The following FBN2 variants were observed in gnomAD, a reference collection of about 807,000 sequenced individuals.
The protein encoded by FBN2 is fibrillin 2, also known as fibrillin-2.
FBN2 carries 105 observed loss-of-function variants against 355.6 expected under a neutral mutation model. The observed-to-expected ratio is 0.30, with a 90% CI of 0.25 to 0.35. The LOEUF (loss-of-function observed/expected upper bound fraction) is 0.35. Ranked by LOEUF, FBN2 falls within the 10% of genes least tolerant of loss-of-function variation. FBN2 has a pLI of 1.00. For missense variants in FBN2, 3,280 were observed against 3,758.7 expected (o/e 0.87, Z 3.33); for synonymous variants, 1,350 against 1,301.2 (o/e 1.04, Z -0.81).
intron 3 of FBN2, among the ~76,000 whole-genome samples, chr5:128,529,417 A>T (rs138361726): frequency 8.9e-4 from 136 of 152,326 alleles, no homozygotes; most frequent in African/African-American, 3.1e-3. Context: ...CAAGAAGATA[A>T]TGATTAATAG....
intron 7 of FBN2, among the ~76,000 whole-genome samples, chr5:128,428,253 C>A (rs1753532152): frequency 6.6e-6 from 1 of 152,112 alleles, no homozygotes; most frequent in Non-Finnish European, 1.5e-5. Flanking sequence ...AGTAAACCTT[C>A]CAAAATGAAG....
At chr5:128,484,150 C>T (rs531445613) in intron 5 of FBN2, among the ~76,000 whole-genome samples, 1 of 152,202 alleles carries the variant, frequency 6.6e-6, no homozygotes, top group African/African-American at 2.4e-5. Flanking sequence ...TACTTGAGTA[C>T]ATTTATTCTC....
chr5:128,335,371 G>A, intron 29 of FBN2, 76 bp from the exon 30 acceptor site: 2 of 1,611,184 alleles, frequency 1.2e-6, no homozygotes, highest in Non-Finnish European at 1.7e-6. Flanking sequence ...TTTTCTATCT[G>A]GTTCCACTTG....
intron 7 of FBN2, among the ~76,000 whole-genome samples, chr5:128,429,973 G>A (rs951913498): frequency 3.3e-5 from 5 of 152,104 alleles, no homozygotes; most frequent in Admixed American, 6.5e-5. Flanking sequence ...GTTGTACTTA[G>A]AATTCAACAA....
intron 11 of FBN2, among the ~76,000 whole-genome samples, chr5:128,385,975 G>C (rs1036637879): frequency 1.1e-4 from 16 of 151,864 alleles, no homozygotes; most frequent in African/African-American, 1.5e-4. Context: ...CTACTCTGTA[G>C]GTTGTTTACT....
intron 5 of FBN2, among the ~76,000 whole-genome samples, chr5:128,492,436 A>G (rs981246994): frequency 6.6e-6 from 1 of 152,208 alleles, no homozygotes; most frequent in Non-Finnish European, 1.5e-5. Flanking sequence ...CTACATAACT[A>G]TCATGGAACT....
intron 5 of FBN2, among the ~76,000 whole-genome samples, chr5:128,502,117 C>A (rs1007972919): frequency 1.4e-4 from 21 of 151,880 alleles, no homozygotes; most frequent in Admixed American, 2.0e-4. Flanking sequence ...AGTCAGACTT[C>A]TTCATAGCAC....
At chr5:128,298,159 T>C (rs1281052102) in intron 48 of FBN2, among the ~76,000 whole-genome samples, 3 of 152,010 alleles carry the variant, frequency 2.0e-5, no homozygotes, top group East Asian at 3.9e-4. Context: ...ATGTTGAATA[T>C]TGGCCGCCAC....
At chr5:128,262,078 G>C (rs1016878824) in intron 63 of FBN2, among the ~76,000 whole-genome samples, 171 bp from the exon 64 acceptor site, 2 of 152,118 alleles carry the variant, frequency 1.3e-5, no homozygotes, top group East Asian at 3.8e-4. Flanking sequence ...TAGAGACAGG[G>C]TCTTGCTCTG....
Position 128,304,939 on chromosome 5 carries a change from G to C in FBN2, c.5800+18C>G, listed in dbSNP as rs1749825696. ...CCCCAGCCCCACTTCACTCCCTGGAGCCACATGCCCTTCTTACCCATGCAC... is the reference window on the plus strand; with the variant it reads ...CCCCAGCCCCACTTCACTCCCTGGACCCACATGCCCTTCTTACCCATGCAC... On this transcript the variant is annotated intron_variant, in intron 45 of 64. Transcript: ENST00000262464. The C allele has an allele frequency of 6.2e-7, 1 of 1,613,862 alleles. No individual in the cohort carries two copies. Among genetic ancestry groups the C allele is most frequent in the African/African-American group, 1.3e-5 (1 of 74,996 alleles).
At position 128,361,832 on chromosome 5, in the gene FBN2, T is replaced by A; in HGVS notation, c.2445A>T (p.Leu815Phe). The change falls in exon 19 of 65, where the codon TTA (leucine) becomes TTT (phenylalanine). Residue 815 changes from leucine (L) to phenylalanine (F), a missense_variant. By Grantham distance (22) the Leu-to-Phe change is conservative. Around this residue, in one of 6 missense-constraint regions of FBN2, gnomAD observed 2,284 missense variants for 2,749.5 expected, o/e 0.83. Transcript: ENST00000262464. The part of the protein sequence containing the change: ...GRNCIDIDEC[L>F]VNRLLCDNGL... ...CGTTATCACAAAGCAGTCTGTTTAC[T>A]AAACATTCATCAATGTCTGAAAGCA... The A allele has an allele frequency of 1.2e-6, 2 of 1,614,116 alleles. No individual in the cohort carries two copies. The highest frequency in any genetic ancestry group is 2.2e-5 in the South Asian group (2 of 91,078).
intron 5 of FBN2, among the ~76,000 whole-genome samples, chr5:128,486,267 G>A (rs1755335499): frequency 6.6e-6 from 1 of 151,998 alleles, no homozygotes; most frequent in Admixed American, 6.6e-5. Flanking sequence ...GCCCTTTAAA[G>A]AATAAGTATA....
At chr5:128,487,427 G>T (rs988408260) in intron 5 of FBN2, among the ~76,000 whole-genome samples, 6 of 152,116 alleles carry the variant, frequency 3.9e-5, no homozygotes, top group Non-Finnish European at 7.4e-5. Flanking sequence ...AGATTAAAGG[G>T]TCTCTCTTTA....
At chr5:128,514,498 T>C (rs919237706) in intron 5 of FBN2, among the ~76,000 whole-genome samples, 7 of 152,184 alleles carry the variant, frequency 4.6e-5, no homozygotes, top group Admixed American at 3.3e-4. Flanking sequence ...TATATTGGTT[T>C]TTCTTATAAC....
chr5:128,408,648 T>C (rs1295649354), intron 8 of FBN2, 26 bp downstream of exon 8: 5 of 1,613,704 alleles, frequency 3.1e-6, no homozygotes, highest in Admixed American at 1.7e-5. Context: ...ACCCAGTGTA[T>C]TGAGCCTTCA....
intron 51 of FBN2, 127 bp from the exon 52 acceptor site, chr5:128,289,379 C>G: frequency 1.1e-6 from 1 of 901,376 alleles, no homozygotes; most frequent in Non-Finnish European, 1.8e-6. Flanking sequence ...AGGTCAGGAG[C>G]TTGAGACCAG....
intron 34 of FBN2, among the ~76,000 whole-genome samples, chr5:128,323,729 C>T (rs539423051): frequency 5.3e-5 from 8 of 152,272 alleles, no homozygotes; most frequent in Middle Eastern, 3.4e-3. Flanking sequence ...CAATGTTCAT[C>T]GGGGATATTG....
intron 7 of FBN2, among the ~76,000 whole-genome samples, chr5:128,438,654 C>T (rs1246017828): frequency 6.6e-6 from 1 of 152,262 alleles, no homozygotes; most frequent in East Asian, 1.9e-4. Context: ...GGTTGCAATG[C>T]CCTGTGACAG....
At chr5:128,370,813 T>C (rs1751914404) in intron 15 of FBN2, among the ~76,000 whole-genome samples, 1 of 152,096 alleles carries the variant, frequency 6.6e-6, no homozygotes, top group Non-Finnish European at 1.5e-5. Flanking sequence ...GTAGTTTGCA[T>C]TACAGGTGAA....
Sources: allele counts gnomAD v4.1 joint callset (sites outside exome capture counted in the v4.1 genomes callset), GRCh38; gene constraint gnomAD v4.1.1; regional missense constraint gnomAD v4.1.1; transcripts MANE v1.5; gene names NCBI Gene and HGNC (gene_info 2026-07-23, HGNC 2026-07-21).